MEI1: variants seen among roughly 807,000 people sequenced by gnomAD.
The protein encoded by MEI1 is meiotic double-stranded break formation protein 1, also known as meiosis inhibitor protein 1.
In MEI1, 103 loss-of-function variants were observed where a neutral mutation model predicts 146.2. The observed-to-expected ratio is 0.70, with a 90% CI of 0.60 to 0.83. The LOEUF is 0.83. MEI1 is among the 40% of genes least tolerant of loss of function. The pLI is 0.00. For synonymous variants in MEI1, 652 were observed against 628.2 expected (o/e 1.04, Z -0.57); for missense variants, 1,529 against 1,533.0 (o/e 1.00, Z 0.04).
intron 19 of MEI1, among the ~76,000 whole-genome samples, chr22:41,770,413 G>C (rs1271660261): frequency 6.6e-6 from 1 of 151,858 alleles, no homozygotes; most frequent in Non-Finnish European, 1.5e-5. Context: ...CTCCCTACTA[G>C]ATCCCAATAG....
At chr22:41,736,334 G>C (rs2072362917) in intron 11 of MEI1, among the ~76,000 whole-genome samples, 2 of 146,920 alleles carry the variant, frequency 1.4e-5, no homozygotes, top group Admixed American at 6.9e-5. Context: ...ACTGCAAGTT[G>C]TGCCTCCCGG....
At position 41,724,012 on chromosome 22, in the gene MEI1, A is replaced by G. The variant is rs780005432; in HGVS notation, c.803A>G (p.Glu268Gly). ...SMIMNQDGLG[E>G]SAKNIEGSSG... ...ATCATGAACCAGGATGGACTGGGAGAAAGTGCTAAGAATATCGAAGGGTCA... is the reference window on the plus strand; with the variant it reads ...ATCATGAACCAGGATGGACTGGGAGGAAGTGCTAAGAATATCGAAGGGTCA... Residue 268 changes from glutamate (E) to glycine (G), a missense_variant, in exon 7 of 31, where the codon GAA becomes GGA. This residue lies in a region of MEI1 where 1,212 missense variants were observed against 1,178.9 expected (regional missense o/e 1.03). Transcript: ENST00000401548. 6.2e-6 allele frequency: 10 copies of G among 1,613,540 alleles called. No individual in the cohort carries two copies. The highest frequency in any genetic ancestry group is 8.5e-6 in the Non-Finnish European group (10 of 1,179,814).
At chr22:41,759,964 A>G (rs930278848) in intron 18 of MEI1, among the ~76,000 whole-genome samples, 1 of 152,126 alleles carries the variant, frequency 6.6e-6, no homozygotes, top group African/African-American at 2.4e-5. Flanking sequence ...ACCTGAGGTC[A>G]GGAGTTTGAG....
In MEI1 at chr22:41,732,460, A is replaced by T. The variant is rs1458655742; in HGVS notation, c.1197-9A>T. On this transcript the variant is annotated splice_polypyrimidine_tract_variant and intron_variant, in intron 10 of 30. Transcript: ENST00000401548. ...TTCACCTACTCGTTTCTCATCTTCC[A>T]TTTCTCAGGCAGCCAGAGGAGATCA... 6.2e-7 allele frequency: 1 copy of T among 1,613,682 alleles called. No individual in the cohort carries two copies. Among genetic ancestry groups the T allele is most frequent in the African/African-American group, 1.3e-5 (1 of 74,906 alleles).
chr22:41,702,293 A>C (rs1325843841), intron 1 of MEI1, among the ~76,000 whole-genome samples: 1 of 151,862 alleles, frequency 6.6e-6, no homozygotes, highest in African/African-American at 2.4e-5. Context: ...GGCGCCTGCC[A>C]CCATGCACGG....
chr22:41,752,518 C>A, intron 15 of MEI1, 73 bp from the exon 16 acceptor site: 1 of 1,342,104 alleles, frequency 7.5e-7, no homozygotes, highest in Non-Finnish European at 1.0e-6. Flanking sequence ...CTTTTTGATA[C>A]CACCCAGGCT....
chr22:41,725,896 C>G (rs976522266), intron 7 of MEI1, among the ~76,000 whole-genome samples: 1 of 152,198 alleles, frequency 6.6e-6, no homozygotes, highest in African/African-American at 2.4e-5. Flanking sequence ...GCTGGCAGAG[C>G]TGCAAACCCT....
chr22:41,731,425 G>A (rs1218509252), intron 9 of MEI1, among the ~76,000 whole-genome samples: 3 of 151,960 alleles, frequency 2.0e-5, no homozygotes, highest in Admixed American at 2.0e-4. Flanking sequence ...CTTGGATCAC[G>A]GCAACCTCTG....
At chr22:41,713,202 G>A (rs1312717101) in intron 3 of MEI1, among the ~76,000 whole-genome samples, 3 of 152,170 alleles carry the variant, frequency 2.0e-5, no homozygotes, top group African/African-American at 7.2e-5. Flanking sequence ...GCCAGGCATG[G>A]TGACTCACAC....
At position 41,746,036 on chromosome 22, in the gene MEI1, C is replaced by T. The variant is rs752094358; in HGVS notation, c.1680+10C>T. 4 of 1,576,752 alleles carry T rather than the reference C, an allele frequency of 2.5e-6. No homozygotes were observed. The highest frequency in any genetic ancestry group is 1.8e-5 in the Admixed American group (1 of 54,628). Reference sequence around the variant, plus strand: ...TATCCCCATGGTGATGGTGGGTTCTCCTGAGCCACGGGCAACATGAAGCTT... The same window carrying T: ...TATCCCCATGGTGATGGTGGGTTCTTCTGAGCCACGGGCAACATGAAGCTT... On this transcript the variant is annotated intron_variant, in intron 14 of 30. Transcript: ENST00000401548.
Position 41,784,327 on chromosome 22 carries a change from G to T in MEI1, c.3088-12G>T. ...AACATGGGGGTTAGCCCTTTACCCT[G>T]TGCCCTGCCAGGTTCACCAGACACT... On this transcript the variant is annotated splice_polypyrimidine_tract_variant and intron_variant, in intron 24 of 30. Transcript: ENST00000401548. 1 of 1,612,860 alleles carries T rather than the reference G, an allele frequency of 6.2e-7. No homozygotes were observed. Among genetic ancestry groups the T allele is most frequent in the Non-Finnish European group, 8.5e-7 (1 of 1,179,480 alleles).
At chr22:41,789,938 TCTCA>T (rs1436597967) in intron 26 of MEI1, among the ~76,000 whole-genome samples, 5 of 152,214 alleles carry the variant, frequency 3.3e-5, no homozygotes, top group Admixed American at 6.5e-5. Flanking sequence ...TCCTCTTTTC[TCTCA>T]CTGTCACACT....
intron 20 of MEI1, among the ~76,000 whole-genome samples, chr22:41,775,578 A>G (rs1037290255): frequency 2.0e-5 from 3 of 150,676 alleles, no homozygotes; most frequent in African/African-American, 7.3e-5. Context: ...GATGGATTTA[A>G]TAGGATGGAC....
At chr22:41,710,839 C>G (rs2069482879) in intron 3 of MEI1, among the ~76,000 whole-genome samples, 1 of 152,292 alleles carries the variant, frequency 6.6e-6, no homozygotes, top group East Asian at 1.9e-4. Context: ...CTCTGCCTCT[C>G]CATTTGCTGT....
intron 14 of MEI1, among the ~76,000 whole-genome samples, chr22:41,746,788 G>A (rs996229767): frequency 2.3e-4 from 35 of 152,092 alleles, no homozygotes; most frequent in African/African-American, 8.2e-4. Context: ...CTGCACCAGC[G>A]AGGCTCTCTT....
chr22:41,709,403 A>G (rs2069358205), intron 3 of MEI1: 1 of 709,348 alleles, frequency 1.4e-6, no homozygotes, highest in Non-Finnish European at 2.6e-6. Context: ...GATTTTGCAG[A>G]CAACCTTGTG....
chr22:41,706,761 A>T (rs566827129), intron 3 of MEI1, among the ~76,000 whole-genome samples: 46 of 152,192 alleles, frequency 3.0e-4, no homozygotes, highest in Admixed American at 9.8e-4. Flanking sequence ...GTTTACCTAT[A>T]AAGGGTTTGT....
At chr22:41,786,630 A>G (rs1341748139) in intron 26 of MEI1, among the ~76,000 whole-genome samples, 1 of 152,206 alleles carries the variant, frequency 6.6e-6, no homozygotes, top group African/African-American at 2.4e-5. Flanking sequence ...TGGCTTGGGT[A>G]ATATGCCAGT....
At chr22:41,722,622 A>G (rs1175152530) in intron 6 of MEI1, among the ~76,000 whole-genome samples, 1 of 151,948 alleles carries the variant, frequency 6.6e-6, no homozygotes, top group Non-Finnish European at 1.5e-5. Context: ...ATCTCCAGGA[A>G]CACACCATAC....
Sources: gnomAD v4.1 joint callset for allele counts (sites outside exome capture counted in the v4.1 genomes callset) on GRCh38, gnomAD v4.1.1 for gene constraint, gnomAD v4.1.1 regional missense constraint, MANE v1.5 for transcripts, NCBI Gene and HGNC (gene_info 2026-07-23, HGNC 2026-07-21) for gene names.